PSD3: variants seen among roughly 807,000 people sequenced by gnomAD.
PSD3 encodes the protein pleckstrin and Sec7 domain containing 3.
In PSD3, 49 loss-of-function variants were observed where a neutral mutation model predicts 105.5. That is an observed-to-expected ratio of 0.46 (90% CI 0.37 to 0.59). The LOEUF (loss-of-function observed/expected upper bound fraction) is 0.59. PSD3 is among the 20% of genes least tolerant of loss of function. PSD3 has a pLI of 0.00. For missense variants in PSD3, 1,561 were observed against 1,263.8 expected (o/e 1.24, Z -3.57); for synonymous variants, 557 against 457.8 (o/e 1.22, Z -2.77).
At chr8:18,863,590 C>A (rs912898300) in intron 4 of PSD3, among the ~76,000 whole-genome samples, 2 of 152,160 alleles carry the variant, frequency 1.3e-5, no homozygotes, top group Admixed American at 1.3e-4. Context: ...AAAGTAATTG[C>A]AGTATTGCCA....
chr8:18,948,577 G>T (rs575333012), intron 1 of PSD3, among the ~76,000 whole-genome samples: 1 of 152,144 alleles, frequency 6.6e-6, no homozygotes, highest in African/African-American at 2.4e-5. Context: ...AGGCTCACAC[G>T]AAGTGTTCAA....
intron 14 of PSD3, among the ~76,000 whole-genome samples, chr8:18,571,141 A>T (rs1212868976): frequency 1.3e-5 from 2 of 152,104 alleles, no homozygotes; most frequent in Non-Finnish European, 2.9e-5. Context: ...GATTACAGGC[A>T]TGAGCCACTG....
intron 2 of PSD3, among the ~76,000 whole-genome samples, chr8:18,880,859 T>C (rs1475751542): frequency 6.6e-6 from 1 of 152,234 alleles, no homozygotes; most frequent in Admixed American, 6.5e-5. Flanking sequence ...AAAAGAACTT[T>C]AGCACTTACC....
chr8:18,637,255 G>C (rs909448273), intron 10 of PSD3, among the ~76,000 whole-genome samples: 3 of 152,070 alleles, frequency 2.0e-5, no homozygotes, highest in Non-Finnish European at 4.4e-5. Flanking sequence ...CATCACAATG[G>C]TTAGGTGAAA....
chr8:19,009,321 G>A (rs946302823), intron 1 of PSD3, among the ~76,000 whole-genome samples: 11 of 152,182 alleles, frequency 7.2e-5, no homozygotes, highest in African/African-American at 1.4e-4. Context: ...TCTGCAACAC[G>A]CAATGCTAAC....
At chr8:18,547,182 G>C (rs377211376) in intron 15 of PSD3, among the ~76,000 whole-genome samples, 3 of 152,324 alleles carry the variant, frequency 2.0e-5, no homozygotes, top group African/African-American at 7.2e-5. Context: ...GTGGCACACA[G>C]AGGCTACCAA....
intron 9 of PSD3, among the ~76,000 whole-genome samples, chr8:18,728,014 CTG>C (rs1163077924): frequency 2.6e-5 from 4 of 151,542 alleles, no homozygotes; most frequent in Non-Finnish European, 5.9e-5. Flanking sequence ...TGCCTGAAGA[CTG>C]GACCCTTAAA....
At chr8:18,797,227 A>G (rs906961433) in intron 8 of PSD3, among the ~76,000 whole-genome samples, 20 of 152,210 alleles carry the variant, frequency 1.3e-4, no homozygotes, top group African/African-American at 4.8e-4. Flanking sequence ...TCCCAAGTAT[A>G]TCGCACACAT....
chr8:18,974,168 AG>A (rs1824801248), intron 1 of PSD3, among the ~76,000 whole-genome samples: 1 of 152,220 alleles, frequency 6.6e-6, no homozygotes, highest in Non-Finnish European at 1.5e-5. Flanking sequence ...AGATTGTCAG[AG>A]TTAATCTTCA....
At chr8:18,659,406 A>T (rs80249502) in intron 9 of PSD3, among the ~76,000 whole-genome samples, 3,302 of 152,342 alleles carry the variant, frequency 0.022, 102 homozygotes, top group East Asian at 0.12. Flanking sequence ...CTGAACTCAG[A>T]GATCATGAAA....
At chr8:18,584,484 C>T (rs138837102) in intron 12 of PSD3, among the ~76,000 whole-genome samples, 2 of 152,208 alleles carry the variant, frequency 1.3e-5, no homozygotes, top group Non-Finnish European at 1.5e-5. Flanking sequence ...GTAGGTTAAT[C>T]AACTTTAGAA....
At chr8:18,609,321 G>C (rs971289575) in intron 11 of PSD3, among the ~76,000 whole-genome samples, 2 of 152,178 alleles carry the variant, frequency 1.3e-5, no homozygotes, top group Non-Finnish European at 2.9e-5. Flanking sequence ...GTGGGGATGA[G>C]GTAGTTCTAA....
At chr8:19,065,964 C>A (rs2129477745) in intron 1 of PSD3, among the ~76,000 whole-genome samples, 1 of 151,734 alleles carries the variant, frequency 6.6e-6, no homozygotes, top group Middle Eastern at 3.4e-3. Context: ...ACAAAAAGAC[C>A]ACTTTGGAAA....
At chr8:19,009,967 T>C (rs1472392918) in intron 1 of PSD3, among the ~76,000 whole-genome samples, 1 of 152,168 alleles carries the variant, frequency 6.6e-6, no homozygotes, top group Non-Finnish European at 1.5e-5. Context: ...CGTGTGAAAA[T>C]ACCATGTAAG....
chr8:18,572,996 C>T (rs76567904), intron 13 of PSD3, among the ~76,000 whole-genome samples: 1,897 of 152,232 alleles, frequency 0.012, 47 homozygotes, highest in Non-Finnish European at 0.012. Context: ...ATAAAATTTA[C>T]TCATCTCTTC....
chr8:18,639,526 G>C (rs1807493128), intron 10 of PSD3, among the ~76,000 whole-genome samples: 1 of 152,118 alleles, frequency 6.6e-6, no homozygotes, highest in African/African-American at 2.4e-5. Flanking sequence ...GAAATAAGAT[G>C]ATTAAAGAGT....
chr8:18,629,982 C>G (rs1026488009), intron 11 of PSD3, among the ~76,000 whole-genome samples: 1 of 151,832 alleles, frequency 6.6e-6, no homozygotes, highest in Non-Finnish European at 1.5e-5. Flanking sequence ...TTAAAGGCAG[C>G]TGAAACTTCC....
At chr8:18,745,711 C>A (rs1191144536) in intron 9 of PSD3, among the ~76,000 whole-genome samples, 2 of 152,174 alleles carry the variant, frequency 1.3e-5, no homozygotes, top group African/African-American at 4.8e-5. Flanking sequence ...GCAGGCAGAG[C>A]TAAGAAATAT....
chr8:18,624,310 A>C (rs573842605), intron 11 of PSD3, among the ~76,000 whole-genome samples: 17 of 152,180 alleles, frequency 1.1e-4, no homozygotes, highest in African/African-American at 3.6e-4. Flanking sequence ...GTGAAATGAC[A>C]TTTCACTATA....
Sources: allele counts gnomAD v4.1 joint callset (sites outside exome capture counted in the v4.1 genomes callset), GRCh38; gene constraint gnomAD v4.1.1; transcripts MANE v1.5; gene names NCBI Gene and HGNC (gene_info 2026-07-23, HGNC 2026-07-21).